FRMD5: variants seen among roughly 807,000 people sequenced by gnomAD.
The protein encoded by FRMD5 is FERM domain-containing protein 5.
In FRMD5, 20 loss-of-function variants were observed where a neutral mutation model predicts 69.0. The ratio of observed to expected loss-of-function variants is 0.29; its 90% CI spans 0.20 to 0.42. FRMD5 has a LOEUF of 0.42. Ranked by LOEUF, FRMD5 falls within the 10% of genes least tolerant of loss-of-function variation. The probability of loss-of-function intolerance (pLI) is 1.00; values close to 1 mark genes in which losing one functional copy is unlikely to be tolerated. For missense variants in FRMD5, 595 were observed against 708.6 expected (o/e 0.84, Z 1.82); for synonymous variants, 271 against 260.1 (o/e 1.04, Z -0.40).
At chr15:44,110,086 T>C (rs1230983848) in intron 1 of FRMD5, among the ~76,000 whole-genome samples, 4 of 152,250 alleles carry the variant, frequency 2.6e-5, no homozygotes, top group African/African-American at 7.2e-5. Flanking sequence ...TTTGTATTTA[T>C]TCACCTTCTT....
At chr15:44,032,957 C>T (rs551261416) in intron 1 of FRMD5, among the ~76,000 whole-genome samples, 1 of 152,130 alleles carries the variant, frequency 6.6e-6, no homozygotes, top group Non-Finnish European at 1.5e-5. Context: ...AGGAATCAAC[C>T]TAAATGCCCA....
At chr15:44,120,903 T>C (rs2076940560) in intron 1 of FRMD5, among the ~76,000 whole-genome samples, 1 of 152,000 alleles carries the variant, frequency 6.6e-6, no homozygotes, top group South Asian at 2.1e-4. Context: ...AGTAGAGACA[T>C]GTAGCAGGAA....
intron 13 of FRMD5, among the ~76,000 whole-genome samples, chr15:43,878,859 C>T (rs2088438691): frequency 6.6e-6 from 1 of 150,844 alleles, no homozygotes; most frequent in Non-Finnish European, 1.5e-5. Context: ...GGAGCCACAT[C>T]ATACTGGGAG....
At chr15:44,047,248 G>A (rs1281091671) in intron 1 of FRMD5, among the ~76,000 whole-genome samples, 2 of 152,170 alleles carry the variant, frequency 1.3e-5, no homozygotes, top group Non-Finnish European at 2.9e-5. Context: ...GGCAGAGGTT[G>A]CAGTGAGCTG....
intron 1 of FRMD5, among the ~76,000 whole-genome samples, chr15:43,967,220 A>C: frequency 7.0e-6 from 1 of 143,486 alleles, no homozygotes; most frequent in African/African-American, 2.9e-5. Flanking sequence ...TATACACATA[A>C]ATATATAAAC....
At chr15:44,085,578 G>A (rs1322795269) in intron 1 of FRMD5, among the ~76,000 whole-genome samples, 2 of 152,110 alleles carry the variant, frequency 1.3e-5, no homozygotes, top group Non-Finnish European at 2.9e-5. Flanking sequence ...GAGCCACATA[G>A]GGCAAGAGAA....
intron 7 of FRMD5, among the ~76,000 whole-genome samples, chr15:43,892,536 T>C (rs1016722041): frequency 1.3e-5 from 2 of 152,238 alleles, no homozygotes; most frequent in African/African-American, 4.8e-5. Context: ...TGTATGTTAA[T>C]AGCAGCAGTA....
intron 1 of FRMD5, among the ~76,000 whole-genome samples, chr15:44,169,178 T>A (rs752524850): frequency 3.9e-5 from 6 of 152,182 alleles, no homozygotes; most frequent in African/African-American, 9.7e-5. Context: ...CAATTATTCC[T>A]GTCGCCTTTT....
In FRMD5 at chr15:43,961,856, C is replaced by G. The variant is rs906674140; in HGVS notation, c.103-37547G>C. Among the ~76,000 whole-genome samples, 179 of 152,080 alleles carry G rather than the reference C, an allele frequency of 1.2e-3. 1 individual carries two copies. The highest frequency in any genetic ancestry group is 3.4e-3 in the Middle Eastern group (1 of 294). On this transcript the variant is annotated intron_variant, in intron 1 of 13. Transcript: ENST00000417257. ...AAGGCCTTTGACAAAATTCAACAAC[C>G]CTTCATGCTAAAAACTCTCAATAAA...
Position 43,872,656 on chromosome 15 carries a change from A to T in FRMD5, c.*1229T>A, listed in dbSNP as rs896759655. ...CTACATCTAAGTGTTGGTCTCTGCCACGGTCACATTCTGTGTTTTGTAGGC... is the reference window on the plus strand; with the variant it reads ...CTACATCTAAGTGTTGGTCTCTGCCTCGGTCACATTCTGTGTTTTGTAGGC... On this transcript the variant is annotated 3_prime_UTR_variant, in exon 14 of 14. Coordinates refer to ENST00000417257, the MANE Select transcript of FRMD5 (RefSeq NM_032892.5). 1 of 153,948 alleles carries T rather than the reference A, an allele frequency of 6.5e-6. No homozygotes were observed. The highest frequency in any genetic ancestry group is 1.4e-5 in the Non-Finnish European group (1 of 69,258). The allele number at this position is 153,948 out of a possible 1,614,324, so 9.5% of individuals were successfully genotyped here.
intron 1 of FRMD5, among the ~76,000 whole-genome samples, chr15:44,034,116 C>T (rs1891808135): frequency 6.6e-6 from 1 of 152,140 alleles, no homozygotes; most frequent in Non-Finnish European, 1.5e-5. Flanking sequence ...AACTGTTACT[C>T]TTGTTTCCTT....
At chr15:44,116,798 C>A (rs879503346) in intron 1 of FRMD5, among the ~76,000 whole-genome samples, 23 of 152,176 alleles carry the variant, frequency 1.5e-4, no homozygotes, top group East Asian at 5.8e-4. Flanking sequence ...TGTGACTGCA[C>A]GGGCTGGGTG....
chr15:43,976,250 A>AG (rs1388491369), intron 1 of FRMD5, among the ~76,000 whole-genome samples: 7 of 152,162 alleles, frequency 4.6e-5, no homozygotes, highest in African/African-American at 1.7e-4. Flanking sequence ...ACAACCCATA[A>AG]AAAACAAATA....
At chr15:43,883,220 C>T (rs1047501601) in intron 13 of FRMD5, among the ~76,000 whole-genome samples, 8 of 152,102 alleles carry the variant, frequency 5.3e-5, no homozygotes, top group East Asian at 3.9e-4. Flanking sequence ...CTACCTCAGC[C>T]CCCCGAGTAG....
intron 4 of FRMD5, among the ~76,000 whole-genome samples, chr15:43,912,072 C>T (rs1217988855): frequency 6.6e-6 from 1 of 152,010 alleles, no homozygotes; most frequent in Non-Finnish European, 1.5e-5. Flanking sequence ...GAATATAGGC[C>T]CATCCTACAC....
At chr15:44,118,212 C>T (rs971325136) in intron 1 of FRMD5, among the ~76,000 whole-genome samples, 1 of 151,996 alleles carries the variant, frequency 6.6e-6, no homozygotes, top group Non-Finnish European at 1.5e-5. Context: ...CATGGTAAGG[C>T]CTACCTGAGC....
intron 1 of FRMD5, among the ~76,000 whole-genome samples, chr15:44,091,832 T>C (rs977367678): frequency 6.6e-6 from 1 of 152,092 alleles, no homozygotes. Flanking sequence ...TCTAGAATTG[T>C]GTGCTGCCTG....
chr15:43,989,539 C>T, intron 1 of FRMD5: 1 of 897,738 alleles, frequency 1.1e-6, no homozygotes, highest in Non-Finnish European at 1.9e-6. Flanking sequence ...CATAGCACAG[C>T]TTCTCCTTGA....
At chr15:44,198,155 T>C (rs2078323136), upstream of FRMD5, among the ~76,000 whole-genome samples, 1 of 151,344 alleles carries the variant, frequency 6.6e-6, no homozygotes, top group African/African-American at 2.4e-5. Flanking sequence ...ACAATAATAA[T>C]AATAATAATA....
Sources: allele counts gnomAD v4.1 joint callset (sites outside exome capture counted in the v4.1 genomes callset), GRCh38; gene constraint gnomAD v4.1.1; transcripts MANE v1.5; gene names NCBI Gene and HGNC (gene_info 2026-07-23, HGNC 2026-07-21).